The following EYS variants were observed in gnomAD, a reference collection of about 807,000 sequenced individuals.
The protein encoded by EYS is protein eyes shut homolog.
A neutral mutation model predicts 282.1 loss-of-function variants in EYS; 250 were observed. The observed-to-expected ratio is 0.89, with a 90% CI of 0.80 to 0.98. EYS has a LOEUF of 0.98. Ranked by LOEUF, EYS falls within the 50% of genes least tolerant of loss-of-function variation. The pLI is 0.00. For synonymous variants in EYS, 1,355 were observed against 1,282.9 expected (o/e 1.06, Z -1.20); for missense variants, 4,016 against 3,709.0 (o/e 1.08, Z -2.15).
intron 41 of EYS, among the ~76,000 whole-genome samples, chr6:63,736,998 G>A (rs1452198648): frequency 6.6e-6 from 1 of 151,926 alleles, no homozygotes; most frequent in East Asian, 1.9e-4. Context: ...CTGAGACAAT[G>A]GGGTTTTCTA....
chr6:65,702,668 G>T (rs1304099708), intron 1 of EYS, among the ~76,000 whole-genome samples: 1 of 151,602 alleles, frequency 6.6e-6, no homozygotes, highest in Non-Finnish European at 1.5e-5. Context: ...TTCCTGCCTG[G>T]GTGACAGAGT....
chr6:65,369,207 G>T (rs1262171065), intron 8 of EYS, among the ~76,000 whole-genome samples: 1 of 147,974 alleles, frequency 6.8e-6, no homozygotes, highest in East Asian at 2.0e-4. Context: ...AGCAAAGTTT[G>T]TGACCAAGCA....
At chr6:64,860,761 A>T (rs902694160) in intron 19 of EYS, among the ~76,000 whole-genome samples, 2 of 152,172 alleles carry the variant, frequency 1.3e-5, no homozygotes, top group African/African-American at 4.8e-5. Flanking sequence ...TTCTTGTCCC[A>T]TGCCCAGGAA....
intron 35 of EYS, among the ~76,000 whole-genome samples, chr6:63,890,384 T>A (rs927860277): frequency 2.0e-5 from 3 of 152,136 alleles, no homozygotes; most frequent in African/African-American, 7.2e-5. Flanking sequence ...AGAATGGAAA[T>A]AATAACAAAC....
intron 2 of EYS, among the ~76,000 whole-genome samples, chr6:65,594,349 G>A (rs913269795): frequency 3.3e-5 from 5 of 151,812 alleles, no homozygotes; most frequent in Admixed American, 1.3e-4. Flanking sequence ...AAACCATGGC[G>A]TTTTTCTTTT....
intron 35 of EYS, among the ~76,000 whole-genome samples, chr6:63,932,972 T>G (rs1239239009): frequency 6.6e-6 from 1 of 152,250 alleles, no homozygotes; most frequent in South Asian, 2.1e-4. Context: ...TTGGGTTTGA[T>G]CAGTCTGCTA....
chr6:63,849,145 T>A lies in EYS; in HGVS notation c.7228+15041A>T, dbSNP rs183090991. Among the ~76,000 whole-genome samples, 54 of 152,266 alleles carry A rather than the reference T, an allele frequency of 3.5e-4. No individual in the cohort carries two copies. In the South Asian group the frequency reaches 4.3e-3, roughly 12 times the overall value. On this transcript the variant is annotated intron_variant, in intron 36 of 42. Coordinates refer to ENST00000503581, the MANE Select transcript of EYS (RefSeq NM_001142800.2). ...CCAGACTGCCTCTCTAGATTCCTCC[T>A]CTCTGGGCAGGGCATCTTTGAAAGA...
chr6:64,188,354 T>C (rs1424990467), intron 31 of EYS, among the ~76,000 whole-genome samples: 3 of 152,044 alleles, frequency 2.0e-5, no homozygotes, highest in Admixed American at 6.6e-5. Context: ...ATAAACTGGG[T>C]TCAATAAGGC....
At position 65,604,214 on chromosome 6, in the gene EYS, G is replaced by A. The variant is rs557965960; in HGVS notation, c.-333+35564C>T. Among the ~76,000 whole-genome samples the A allele has an allele frequency of 3.9e-5, 6 of 151,946 alleles. No individual in the cohort carries two copies. In the South Asian group the frequency reaches 1.2e-3, roughly 31 times the overall value. ...GTTCTGCCCTCTTTTTTAAATATGGGAGGGAGTTGATGTTGGTAATTATTT... is the reference window on the plus strand; with the variant it reads ...GTTCTGCCCTCTTTTTTAAATATGGAAGGGAGTTGATGTTGGTAATTATTT... On this transcript the variant is annotated intron_variant, in intron 2 of 42. Coordinates refer to ENST00000503581, the MANE Select transcript of EYS (RefSeq NM_001142800.2).
chr6:64,246,049 A>G (rs936630482), intron 30 of EYS, among the ~76,000 whole-genome samples: 1 of 143,274 alleles, frequency 7.0e-6, no homozygotes, highest in Admixed American at 7.0e-5. Context: ...AAAAAAAAGA[A>G]TTTTGGGTAA....
intron 36 of EYS, among the ~76,000 whole-genome samples, chr6:63,844,612 T>C (rs1772049630): frequency 6.6e-6 from 1 of 152,072 alleles, no homozygotes; most frequent in Non-Finnish European, 1.5e-5. Context: ...ATTAGTAATG[T>C]TGAGCTTTTT....
chr6:64,394,561 G>A (rs1464820335), intron 28 of EYS, among the ~76,000 whole-genome samples: 1 of 151,998 alleles, frequency 6.6e-6, no homozygotes, highest in African/African-American at 2.4e-5. Flanking sequence ...ATGGTGCTGG[G>A]AAAACTGGCT....
At chr6:65,424,568 T>A (rs181245610) in intron 5 of EYS, among the ~76,000 whole-genome samples, 1 of 152,176 alleles carries the variant, frequency 6.6e-6, no homozygotes, top group Admixed American at 6.6e-5. Flanking sequence ...GCATCTGTTT[T>A]ATATTACATC....
chr6:63,905,455 G>A (rs1224135679), intron 35 of EYS, among the ~76,000 whole-genome samples: 1 of 150,268 alleles, frequency 6.7e-6, no homozygotes, highest in Non-Finnish European at 1.5e-5. Flanking sequence ...TCAGCCTCCT[G>A]AGTAGCTGGG....
chr6:63,930,956 T>G (rs1764874261), intron 35 of EYS, among the ~76,000 whole-genome samples: 1 of 152,192 alleles, frequency 6.6e-6, no homozygotes, highest in African/African-American at 2.4e-5. Context: ...TTTCTGGTTG[T>G]TTGAGAGAAA....
chr6:65,091,321 G>A (rs1774556661), intron 12 of EYS, among the ~76,000 whole-genome samples: 1 of 149,792 alleles, frequency 6.7e-6, no homozygotes, highest in Admixed American at 6.7e-5. Flanking sequence ...ATGGTGGTAG[G>A]CACCTGTAAT....
intron 12 of EYS, among the ~76,000 whole-genome samples, chr6:65,133,500 AC>A (rs1409532401): frequency 6.6e-6 from 1 of 151,968 alleles, no homozygotes; most frequent in Non-Finnish European, 1.5e-5. Context: ...CTGATGTTCT[AC>A]AAAGCTGACA....
At chr6:64,412,603 C>T (rs1773938261) in intron 28 of EYS, 1 of 152,048 alleles carries the variant, frequency 6.6e-6, no homozygotes, top group Admixed American at 6.6e-5. Flanking sequence ...GTAATATACT[C>T]ATTTAAAAAT....
At chr6:64,332,954 T>C (rs1268475145) in intron 29 of EYS, among the ~76,000 whole-genome samples, 1 of 152,152 alleles carries the variant, frequency 6.6e-6, no homozygotes, top group Non-Finnish European at 1.5e-5. Context: ...ATATTAGTAA[T>C]ACTAAAGCCA....
Sources: gnomAD v4.1 joint callset for allele counts (sites outside exome capture counted in the v4.1 genomes callset) on GRCh38, gnomAD v4.1.1 for gene constraint, MANE v1.5 for transcripts, NCBI Gene and HGNC (gene_info 2026-07-23, HGNC 2026-07-21) for gene names.